DLGAP2: variants seen among roughly 807,000 people sequenced by gnomAD.
The protein encoded by DLGAP2 is disks large-associated protein 2.
Under a neutral mutation model 100.3 loss-of-function variants are expected in DLGAP2, and 26 were observed. That is an observed-to-expected ratio of 0.26 (90% CI 0.19 to 0.36). The LOEUF is 0.36. Among genes scored for constraint, DLGAP2 ranks in the 10% least tolerant of loss-of-function variants. DLGAP2 has a pLI of 1.00. For synonymous variants in DLGAP2, 886 were observed against 630.1 expected, an observed-to-expected ratio of 1.41 and a Z score of -6.08; for missense variants, 1,858 against 1,453.2, an observed-to-expected ratio of 1.28 and a Z score of -4.53.
chr8:1,132,135 C>G (rs1445095809), intron 2 of DLGAP2, among the ~76,000 whole-genome samples: 2 of 152,146 alleles, frequency 1.3e-5, no homozygotes, highest in African/African-American at 4.8e-5. Flanking sequence ...GCAAAATCAA[C>G]AAGCCAACCT....
chr8:1,269,400 G>C (rs954133887), intron 3 of DLGAP2, among the ~76,000 whole-genome samples: 8 of 152,220 alleles, frequency 5.3e-5, no homozygotes, highest in Admixed American at 3.3e-4. Flanking sequence ...CACAGCAGTT[G>C]CGGTGAGCCT....
intron 2 of DLGAP2, among the ~76,000 whole-genome samples, chr8:1,144,929 A>C (rs988100505): frequency 6.6e-6 from 1 of 151,440 alleles, no homozygotes; most frequent in South Asian, 2.1e-4. Flanking sequence ...CCCACAGTCA[A>C]ACCGCAGACG....
intron 3 of DLGAP2, among the ~76,000 whole-genome samples, chr8:1,431,772 T>C (rs955841387): frequency 6.6e-6 from 1 of 152,210 alleles, no homozygotes; most frequent in Non-Finnish European, 1.5e-5. Flanking sequence ...TTTGGTGTTT[T>C]CATTTGTAAA....
intron 2 of DLGAP2, among the ~76,000 whole-genome samples, chr8:1,120,980 C>T (rs1012311975): frequency 6.6e-6 from 1 of 150,628 alleles, no homozygotes; most frequent in Admixed American, 6.6e-5. Context: ...ATCCTCGTCC[C>T]TTCAGAACCC....
intron 4 of DLGAP2, among the ~76,000 whole-genome samples, 158 bp from the exon 5 acceptor site, chr8:1,548,468 A>AAC (rs1801623635): frequency 6.7e-6 from 1 of 149,258 alleles, no homozygotes; most frequent in Non-Finnish European, 1.5e-5. Flanking sequence ...GAAAAAAAAA[A>AAC]AAAAAAAAAA....
chr8:1,059,257 G>C (rs1027499794), intron 2 of DLGAP2, among the ~76,000 whole-genome samples: 1 of 151,926 alleles, frequency 6.6e-6, no homozygotes, highest in African/African-American at 2.4e-5. Context: ...CTCACCCCTC[G>C]GGGTCCCAGC....
intron 1 of DLGAP2, among the ~76,000 whole-genome samples, chr8:823,832 A>G (rs1054545271): frequency 5.9e-5 from 9 of 152,198 alleles, no homozygotes; most frequent in African/African-American, 2.2e-4. Flanking sequence ...GGGGAGGTCA[A>G]GAGTCTGCGG....
intron 2 of DLGAP2, among the ~76,000 whole-genome samples, chr8:1,196,238 C>T (rs753158775): frequency 2.0e-5 from 3 of 152,350 alleles, no homozygotes; most frequent in South Asian, 4.1e-4. Flanking sequence ...AAGTAGGCCA[C>T]GTTTCACTGT....
intron 4 of DLGAP2, among the ~76,000 whole-genome samples, chr8:1,508,624 T>G (rs1800037485): frequency 7.1e-6 from 1 of 141,460 alleles, no homozygotes; most frequent in Admixed American, 7.2e-5. Context: ...GATGTGCCAG[T>G]AAGAATGACC....
chr8:1,634,443 G>A (rs1431157259), intron 8 of DLGAP2, among the ~76,000 whole-genome samples: 4 of 152,166 alleles, frequency 2.6e-5, no homozygotes, highest in East Asian at 1.9e-4. Flanking sequence ...TCCCCCAGGT[G>A]CAGCCACCGG....
intron 12 of DLGAP2, among the ~76,000 whole-genome samples, chr8:1,689,713 G>C (rs1184958959): frequency 6.6e-6 from 1 of 152,198 alleles, no homozygotes; most frequent in Admixed American, 6.5e-5. Context: ...GCTCAGGAAA[G>C]ACGGCCCCAC....
chr8:1,391,316 G>T (rs1796346487), intron 3 of DLGAP2, among the ~76,000 whole-genome samples: 2 of 152,258 alleles, frequency 1.3e-5, no homozygotes, highest in African/African-American at 2.4e-5. Context: ...AGGGGTTTTG[G>T]GGTACCCTGC....
chr8:1,508,605 C>T (rs972546920), intron 4 of DLGAP2, among the ~76,000 whole-genome samples: 3 of 121,518 alleles, frequency 2.5e-5, no homozygotes, highest in Non-Finnish European at 5.4e-5. Flanking sequence ...GGTGTTTTCT[C>T]CTCTGTGGGA....
intron 3 of DLGAP2, among the ~76,000 whole-genome samples, chr8:1,434,856 T>C (rs976248806): frequency 6.6e-6 from 1 of 152,150 alleles, no homozygotes; most frequent in African/African-American, 2.4e-5. Context: ...CCCTTCATCC[T>C]TCCTCCCCTC....
chr8:1,458,013 TA>T (rs1798368532), intron 3 of DLGAP2, among the ~76,000 whole-genome samples: 1 of 133,954 alleles, frequency 7.5e-6, no homozygotes, highest in African/African-American at 2.7e-5. Context: ...TATATATATA[TA>T]ATTTTTTATA....
intron 2 of DLGAP2, among the ~76,000 whole-genome samples, chr8:1,068,522 G>A (rs538239585): frequency 1.3e-5 from 2 of 152,276 alleles, no homozygotes; most frequent in South Asian, 2.1e-4. Flanking sequence ...AGGCTTCCCC[G>A]GTGGGGACTA....
chr8:1,439,548 G>C (rs867799436), intron 3 of DLGAP2, among the ~76,000 whole-genome samples: 1 of 152,132 alleles, frequency 6.6e-6, no homozygotes, highest in Non-Finnish European at 1.5e-5. Context: ...ATCCTAACGT[G>C]GGCCTCGCTC....
Position 1,421,268 on chromosome 8 carries a change from C to G in DLGAP2, c.107-80098C>G, listed in dbSNP as rs183704899. Among the ~76,000 whole-genome samples, 146 of 152,286 alleles carry G rather than the reference C, an allele frequency of 9.6e-4. 1 individual carries two copies. Among genetic ancestry groups the G allele is most frequent in the African/African-American group, 3.3e-3 (139 of 41,564 alleles). ...ATCTGTGAACACAGCCTGTCCTTTG[C>G]TCTTCTTTGATTTTTCTATCCAGTG... On this transcript the variant is annotated intron_variant, in intron 3 of 14. Transcript: ENST00000637795.
At chr8:1,598,633 T>A (rs1050480171) in intron 6 of DLGAP2, among the ~76,000 whole-genome samples, 7 of 152,226 alleles carry the variant, frequency 4.6e-5, no homozygotes, top group African/African-American at 1.7e-4. Flanking sequence ...TTCTTCTAGA[T>A]TTTCTAGTTT....
Sources: gnomAD v4.1 joint callset for allele counts (sites outside exome capture counted in the v4.1 genomes callset) on GRCh38, gnomAD v4.1.1 for gene constraint, MANE v1.5 for transcripts, NCBI Gene and HGNC (gene_info 2026-07-23, HGNC 2026-07-21) for gene names.